The following KHDRBS2 variants were observed in gnomAD, a reference collection of about 807,000 sequenced individuals.
The protein encoded by KHDRBS2 is KH domain-containing, RNA-binding, signal transduction-associated protein 2.
KHDRBS2 carries 26 observed loss-of-function variants against 44.3 expected under a neutral mutation model. That is an observed-to-expected ratio of 0.59 (90% CI 0.43 to 0.81). The LOEUF (loss-of-function observed/expected upper bound fraction) is 0.81, where lower values mean the gene tolerates loss of function less well. KHDRBS2 is among the 40% of genes least tolerant of loss of function. KHDRBS2 has a pLI of 0.00. For synonymous variants in KHDRBS2, 194 were observed against 151.1 expected (o/e 1.28, Z -2.08); for missense variants, 476 against 433.1 (o/e 1.10, Z -0.88).
At chr6:61,950,329 T>G (rs1764489367) in intron 4 of KHDRBS2, among the ~76,000 whole-genome samples, 1 of 152,088 alleles carries the variant, frequency 6.6e-6, no homozygotes, top group Non-Finnish European at 1.5e-5. Context: ...TCACTACTGA[T>G]ATCACCAACT....
intron 2 of KHDRBS2, among the ~76,000 whole-genome samples, chr6:62,161,990 ATTAT>A (rs1162502389): frequency 6.6e-6 from 1 of 152,038 alleles, no homozygotes; most frequent in African/African-American, 2.4e-5. Flanking sequence ...TAAACTAATA[ATTAT>A]TTAAGTACAC....
At chr6:61,700,956 T>C (rs1425041336) in intron 7 of KHDRBS2, among the ~76,000 whole-genome samples, 1 of 151,924 alleles carries the variant, frequency 6.6e-6, no homozygotes, top group Admixed American at 6.6e-5. Context: ...TGAGCCTCTG[T>C]TACAACAGAG....
intron 3 of KHDRBS2, among the ~76,000 whole-genome samples, chr6:62,036,391 A>C (rs1380825578): frequency 1.3e-5 from 2 of 151,980 alleles, no homozygotes; most frequent in Non-Finnish European, 2.9e-5. Context: ...GGCCTATTTG[A>C]GGGTGGAGGG....
intron 4 of KHDRBS2, among the ~76,000 whole-genome samples, chr6:61,963,387 T>C (rs1769191101): frequency 1.3e-5 from 2 of 152,108 alleles, no homozygotes; most frequent in African/African-American, 4.8e-5. Context: ...TGCTCTAATA[T>C]AACAATCTCT....
chr6:61,566,926 C>A, the KHDRBS2 span, among the ~76,000 whole-genome samples: 1 of 152,208 alleles, frequency 6.6e-6, no homozygotes, highest in South Asian at 2.1e-4. Context: ...TTCTTTAAGA[C>A]TAATGCAATA....
chr6:61,581,422 C>A, the KHDRBS2 span, among the ~76,000 whole-genome samples: 1 of 151,342 alleles, frequency 6.6e-6, no homozygotes, highest in Non-Finnish European at 1.5e-5. Context: ...ATATAAAAAA[C>A]AGCAAAAATG....
chr6:61,916,437 G>A (rs547469213), intron 4 of KHDRBS2, among the ~76,000 whole-genome samples: 15 of 151,422 alleles, frequency 9.9e-5, no homozygotes, highest in South Asian at 4.2e-4. Context: ...ATATATATAT[G>A]TCACTATTAG....
At chr6:61,770,123 G>T (rs532730317) in intron 6 of KHDRBS2, among the ~76,000 whole-genome samples, 1 of 152,312 alleles carries the variant, frequency 6.6e-6, no homozygotes, top group East Asian at 1.9e-4. Context: ...GCAGCTGAGG[G>T]TCCTGTCTGT....
chr6:62,258,026 C>T (rs528829594), intron 1 of KHDRBS2, among the ~76,000 whole-genome samples: 3 of 152,036 alleles, frequency 2.0e-5, no homozygotes, highest in East Asian at 1.9e-4. Context: ...TTTTGAGTGC[C>T]GACATGATGC....
At chr6:61,756,575 GTGTT>G (rs1345277832) in intron 6 of KHDRBS2, among the ~76,000 whole-genome samples, 1 of 152,106 alleles carries the variant, frequency 6.6e-6, no homozygotes, top group Non-Finnish European at 1.5e-5. Context: ...ATGAATTTTA[GTGTT>G]TCAGAGTTTA....
the KHDRBS2 span, among the ~76,000 whole-genome samples, chr6:61,662,944 T>C: frequency 2.0e-5 from 3 of 151,710 alleles, no homozygotes; most frequent in Admixed American, 6.6e-5. Flanking sequence ...TAAAGACACA[T>C]GCACACGTAT....
intron 4 of KHDRBS2, among the ~76,000 whole-genome samples, chr6:61,940,908 C>A (rs1375928060): frequency 6.6e-6 from 1 of 152,200 alleles, no homozygotes; most frequent in Non-Finnish European, 1.5e-5. Flanking sequence ...GAGTATGGGG[C>A]ATCTCCTCAC....
At chr6:61,653,616 A>C in the KHDRBS2 span, among the ~76,000 whole-genome samples, 1 of 4,974 alleles carries the variant, frequency 2.0e-4, no homozygotes, top group East Asian at 1.5e-3. Context: ...TGAGAGACAG[A>C]GAGAGAGAGA....
At chr6:61,996,660 A>G (rs187758936) in intron 3 of KHDRBS2, among the ~76,000 whole-genome samples, 13 of 152,292 alleles carry the variant, frequency 8.5e-5, no homozygotes, top group Admixed American at 2.6e-4. Context: ...AAATTGAATT[A>G]AGCCCAATTG....
intron 6 of KHDRBS2, among the ~76,000 whole-genome samples, chr6:61,789,347 G>A (rs1205982988): frequency 2.0e-5 from 3 of 151,416 alleles, no homozygotes; most frequent in African/African-American, 7.2e-5. Flanking sequence ...ACTAAATGAA[G>A]TTATTAGAAT....
intron 6 of KHDRBS2, among the ~76,000 whole-genome samples, chr6:61,842,542 T>C (rs1769975483): frequency 1.3e-5 from 2 of 152,172 alleles, no homozygotes; most frequent in South Asian, 4.1e-4. Flanking sequence ...ATAGCATTAG[T>C]ATGCTTCTAA....
chr6:62,253,216 T>C (rs1836828783), intron 1 of KHDRBS2, among the ~76,000 whole-genome samples: 1 of 152,076 alleles, frequency 6.6e-6, no homozygotes, highest in African/African-American at 2.4e-5. Context: ...TTTCCAGGAA[T>C]GTTTGGTATA....
intron 2 of KHDRBS2, among the ~76,000 whole-genome samples, chr6:62,131,192 T>C (rs1170078226): frequency 2.6e-5 from 4 of 152,182 alleles, no homozygotes; most frequent in Non-Finnish European, 5.9e-5. Context: ...TTGAGAACCT[T>C]TGATAGTAGA....
intron 7 of KHDRBS2, among the ~76,000 whole-genome samples, chr6:61,700,259 T>C (rs1156835793): frequency 6.6e-6 from 1 of 151,628 alleles, no homozygotes; most frequent in African/African-American, 2.4e-5. Flanking sequence ...GTGGTATTAA[T>C]ATGTTTCTCA....
Sources: gnomAD v4.1 joint callset for allele counts (sites outside exome capture counted in the v4.1 genomes callset) on GRCh38, gnomAD v4.1.1 for gene constraint, MANE v1.5 for transcripts, NCBI Gene and HGNC (gene_info 2026-07-23, HGNC 2026-07-21) for gene names.